Variants in ACAA1 observed in about 807,000 individuals in gnomAD.
ACAA1 encodes the protein acetyl-CoA acyltransferase 1, also known as 3-ketoacyl-CoA thiolase, peroxisomal.
ACAA1 carries 44 observed loss-of-function variants against 48.8 expected under a neutral mutation model. The observed-to-expected ratio is 0.90, with a 90% CI of 0.71 to 1.16. ACAA1 has a LOEUF of 1.16. Ranked by LOEUF, ACAA1 falls within the 50% of genes most tolerant of loss-of-function variation. The pLI, the probability that ACAA1 is intolerant of heterozygous loss-of-function variation, is 0.00. For synonymous variants in ACAA1, 233 were observed against 226.5 expected, an observed-to-expected ratio of 1.03 and a Z score of -0.26; for missense variants, 512 against 562.3, an observed-to-expected ratio of 0.91 and a Z score of 0.90.
intron 3 of ACAA1, 56 bp from the exon 4 acceptor site, chr3:38,132,061 T>C (rs1700801245): frequency 1.3e-6 from 2 of 1,508,614 alleles, no homozygotes; most frequent in African/African-American, 2.7e-5. Flanking sequence ...CAGGCTCTCA[T>C]GGAAAGCAGT....
intron 7 of ACAA1, 37 bp downstream of exon 7, chr3:38,127,749 C>A: frequency 6.2e-7 from 1 of 1,603,662 alleles, no homozygotes. Context: ...ACCTCACTCT[C>A]CAGCCCTTTA....
At chr3:38,134,339 C>G in intron 2 of ACAA1, 1 of 424,646 alleles carries the variant, frequency 2.4e-6, no homozygotes, top group Non-Finnish European at 4.4e-6. Flanking sequence ...CCCAGGTATC[C>G]TCCTGTGAGC....
At chr3:38,133,323 G>A (rs1341026004) in intron 3 of ACAA1, among the ~76,000 whole-genome samples, 1 of 152,140 alleles carries the variant, frequency 6.6e-6, no homozygotes, top group Non-Finnish European at 1.5e-5. Context: ...CAGATTGTAG[G>A]GGGCCTTGAA....
intron 5 of ACAA1, among the ~76,000 whole-genome samples, chr3:38,130,111 T>C (rs1179073852): frequency 6.6e-6 from 1 of 152,166 alleles, no homozygotes; most frequent in African/African-American, 2.4e-5. Context: ...CAGACCTGCA[T>C]AGACAAGGAA....
rs748097008 is a variant in ACAA1 at position 38,127,897 on chromosome 3, T to C, written c.546-31A>G. ...ACACAAACAGCAGATAGTGTGGGCA[T>C]TGGTCTGACAGCCTAGAGGAAGGGA... On this transcript the variant is annotated intron_variant, in intron 6 of 11. Coordinates refer to ENST00000333167, the MANE Select transcript of ACAA1 (RefSeq NM_001607.4). 1.3e-5 allele frequency: 21 copies of C among 1,611,214 alleles called. No homozygotes were observed. The South Asian group carries it at 2.1e-4, about 16-fold the overall frequency.
At chr3:38,128,118 A>T (rs1700715637) in intron 6 of ACAA1, among the ~76,000 whole-genome samples, 1 of 152,182 alleles carries the variant, frequency 6.6e-6, no homozygotes, top group Non-Finnish European at 1.5e-5. Flanking sequence ...CACCAAAGAG[A>T]CTTTCTTCAA....
At chr3:38,133,899 G>T in intron 3 of ACAA1, 53 bp downstream of exon 3, 1 of 1,581,898 alleles carries the variant, frequency 6.3e-7, no homozygotes, top group Non-Finnish European at 8.7e-7. Context: ...TGGGGCCTGG[G>T]CCCAGTAAAG....
rs1345611402 is a variant in ACAA1, at chr3:38,125,547, C to T, written c.1199+18G>A. The stretch of plus-strand genomic sequence containing the variant: ...TGGATATCCCCCTATGACCCCACCG[C>T]CAGGAGCAAAGCCTTACCTCTTCCC... On this transcript the variant is annotated intron_variant, in intron 11 of 11. Transcript: ENST00000333167. 6 of 1,522,828 alleles carry T rather than the reference C, an allele frequency of 3.9e-6. No homozygotes were observed. Among genetic ancestry groups the T allele is most frequent in the Non-Finnish European group, 4.4e-6 (5 of 1,136,406 alleles). 94.3% of individuals were successfully genotyped at this position (1,522,828 alleles called of 1,614,324 possible). A position where few individuals can be genotyped will look rare whatever the true frequency, so the allele number is the denominator to read the frequency against.
At position 38,126,065 on chromosome 3, in the gene ACAA1, G is replaced by C; in HGVS notation, c.997+97C>G. On this transcript the variant is annotated intron_variant, in intron 9 of 11. Coordinates refer to ENST00000333167, the MANE Select transcript of ACAA1 (RefSeq NM_001607.4). This position sits in a 1 kb window ranked among gnomAD's most constrained non-coding sequence, Gnocchi z 4.7. ...TAGCCTGCCCCACCTCCACTCTGCA[G>C]CACCCACAGGACCACCCTCATGCCC... The C allele has an allele frequency of 6.7e-7, 1 of 1,492,946 alleles. No homozygotes were observed. The highest frequency in any genetic ancestry group is 9.2e-7 in the Non-Finnish European group (1 of 1,092,432). 92.5% of individuals were successfully genotyped at this position (1,492,946 alleles called of 1,614,324 possible). A position where few individuals can be genotyped will look rare whatever the true frequency, so the allele number is the denominator to read the frequency against.
intron 11 of ACAA1, chr3:38,125,288 T>C (rs1164200683): frequency 9.5e-6 from 3 of 314,772 alleles, no homozygotes; most frequent in Non-Finnish European, 1.7e-5. Flanking sequence ...GTAAGGATTT[T>C]TCTCCTTGAC....
chr3:38,131,806 G>T, intron 4 of ACAA1, 120 bp downstream of exon 4: 1 of 1,223,346 alleles, frequency 8.2e-7, no homozygotes, highest in Non-Finnish European at 1.2e-6. Context: ...GGGCGCTCCT[G>T]CACTCTTTCT....
Position 38,136,870 on chromosome 3 carries a change from AGCCGCCGCGGCCCGCCCGGCAGATG to A in ACAA1, c.141_165del (p.Ile48SerfsTer14), listed in dbSNP as rs997568340. ...CCCAGACCCTCGGGCCTCACCTTGA[AGCCGCCGCGGCCCGCCCGGCAGATG>A]GCCGTGCGCCGCCCGTGCACCACCA... On this transcript the variant is annotated frameshift_variant, in exon 1 of 12. Coordinates refer to ENST00000333167, the MANE Select transcript of ACAA1 (RefSeq NM_001607.4). LOFTEE classifies it high-confidence loss of function. 2.0e-6 allele frequency: 3 copies of A among 1,524,684 alleles called. No individual in the cohort carries two copies. The highest frequency in any genetic ancestry group is 2.8e-5 in the African/African-American group (2 of 70,942). The allele number at this position is 1,524,684 out of a possible 1,614,324, so 94.4% of individuals were successfully genotyped here. A position where few individuals can be genotyped will look rare whatever the true frequency, so the allele number is the denominator to read the frequency against.
chr3:38,124,599 C>G (rs972519909), intron 11 of ACAA1: 10 of 152,140 alleles, frequency 6.6e-5, no homozygotes, highest in African/African-American at 2.4e-4. Context: ...TGAGTAAGAC[C>G]CTGTCTCAAC....
intron 2 of ACAA1, 199 bp from the exon 3 acceptor site, chr3:38,134,208 G>T: frequency 1.7e-6 from 1 of 599,580 alleles, no homozygotes. Flanking sequence ...TCATCCACCA[G>T]CTCCTGTCCC....
intron 5 of ACAA1, among the ~76,000 whole-genome samples, chr3:38,130,051 TA>T (rs779738494): frequency 6.6e-5 from 10 of 151,820 alleles, no homozygotes; most frequent in Non-Finnish European, 1.5e-4. Flanking sequence ...AAAACATAAA[TA>T]AATAAAATAA....
At chr3:38,134,196 G>A in intron 2 of ACAA1, 187 bp from the exon 3 acceptor site, 1 of 610,930 alleles carries the variant, frequency 1.6e-6, no homozygotes, top group East Asian at 2.8e-5. Context: ...AGCTTGTCCT[G>A]GTCATCCACC....
intron 5 of ACAA1, among the ~76,000 whole-genome samples, chr3:38,130,480 G>C (rs1409767176): frequency 1.3e-5 from 2 of 152,210 alleles, no homozygotes; most frequent in African/African-American, 4.8e-5. Flanking sequence ...TCTGGTCCCA[G>C]AGCCCACTTC....
chr3:38,126,219 G>T lies in ACAA1; in HGVS notation c.940C>A (p.Pro314Thr). The change falls in exon 9 of 12, where the codon CCT becomes ACT. Residue 314 changes from proline (P) to threonine (T), a missense_variant. By Grantham distance (38) the Pro-to-Thr change is conservative. Transcript: ENST00000333167. This position sits in a 1 kb window ranked among gnomAD's most constrained non-coding sequence, Gnocchi z 4.7. ...LRSYAVVGVP[P>T]DIMGIGPAYA... ...GCAGGTCCAATGCCCATGATGTCAG[G>T]TGGGACCCCAACCACTGCATAAGAC... The T allele has an allele frequency of 5.6e-6, 9 of 1,614,200 alleles. No homozygotes were observed. Among genetic ancestry groups the T allele is most frequent in the Non-Finnish European group, 7.6e-6 (9 of 1,180,028 alleles).
intron 1 of ACAA1, 34 bp from the exon 2 acceptor site, chr3:38,136,719 C>G (rs1428637201): frequency 2.5e-6 from 4 of 1,569,564 alleles, no homozygotes; most frequent in Non-Finnish European, 3.5e-6. Flanking sequence ...GTGACCCCCA[C>G]TCCCCCATGC....
Sources: gnomAD v4.1 joint callset for allele counts (sites outside exome capture counted in the v4.1 genomes callset) on GRCh38, gnomAD v4.1.1 for gene constraint, Gnocchi (gnomAD v3.1) non-coding constraint, MANE v1.5 for transcripts, NCBI Gene and HGNC (gene_info 2026-07-23, HGNC 2026-07-21) for gene names.